Variants in SLC28A3 observed in about 807,000 individuals in gnomAD.
The protein encoded by SLC28A3 is solute carrier family 28 member 3, also known as concentrative Na(+)-nucleoside cotransporter 3.
In SLC28A3, 68 loss-of-function variants were observed where a neutral mutation model predicts 84.2. The observed-to-expected ratio is 0.81, with a 90% CI of 0.66 to 0.99. SLC28A3 has a LOEUF of 0.99. Among genes scored for constraint, SLC28A3 ranks in the 50% least tolerant of loss-of-function variants. SLC28A3 has a pLI of 0.00. For missense variants in SLC28A3, 712 were observed against 841.5 expected (o/e 0.85, Z 1.90); for synonymous variants, 267 against 303.6 (o/e 0.88, Z 1.25).
chr9:84,309,542 AAAAAAAG>A, intron 3 of SLC28A3, 80 bp downstream of exon 3: 10 of 829,346 alleles, frequency 1.2e-5, no homozygotes, highest in Admixed American at 1.1e-4. Flanking sequence ...AAAAAAAAAA[AAAAAAAG>A]AAATCAAATG....
the SLC28A3 span, among the ~76,000 whole-genome samples, chr9:84,349,854 T>C: frequency 6.6e-6 from 1 of 152,214 alleles, no homozygotes; most frequent in Non-Finnish European, 1.5e-5. Context: ...TCTGGAAGAT[T>C]TCCAGAGATG....
chr9:84,313,078 C>T (rs1472470091), intron 2 of SLC28A3, among the ~76,000 whole-genome samples: 1 of 152,204 alleles, frequency 6.6e-6, no homozygotes, highest in Non-Finnish European at 1.5e-5. Flanking sequence ...ATGCTTTTGT[C>T]TAAGCCAATG....
At chr9:84,313,314 G>T (rs760377947) in intron 2 of SLC28A3, 45 bp downstream of exon 2, 1 of 1,558,098 alleles carries the variant, frequency 6.4e-7, no homozygotes, top group South Asian at 1.1e-5. Context: ...CTGTTGCGCA[G>T]CGGCTGCCAT....
At chr9:84,303,598 G>A (rs898654846) in intron 4 of SLC28A3, among the ~76,000 whole-genome samples, 5 of 152,162 alleles carry the variant, frequency 3.3e-5, no homozygotes, top group African/African-American at 1.2e-4. Flanking sequence ...GGGATTATAG[G>A]CATTAGCCAC....
At chr9:84,336,653 G>A (rs751009136) in intron 1 of SLC28A3, among the ~76,000 whole-genome samples, 4 of 152,096 alleles carry the variant, frequency 2.6e-5, no homozygotes, top group Non-Finnish European at 5.9e-5. Flanking sequence ...TCCAGCATGG[G>A]TGACAGAGTG....
At chr9:84,316,990 G>C (rs905851830) in intron 1 of SLC28A3, among the ~76,000 whole-genome samples, 6 of 138,808 alleles carry the variant, frequency 4.3e-5, no homozygotes, top group African/African-American at 1.9e-4. Flanking sequence ...GACAGAGCAA[G>C]ACTCCGTCTC....
At chr9:84,279,936 T>A in intron 16 of SLC28A3, 39 bp downstream of exon 16, 1 of 1,598,844 alleles carries the variant, frequency 6.3e-7, no homozygotes, top group Non-Finnish European at 8.5e-7. Flanking sequence ...CTGCCATTCA[T>A]CCTGTGGGCA....
At chr9:84,299,785 T>C (rs1042180853) in intron 5 of SLC28A3, 60 bp from the exon 6 acceptor site, 2 of 1,518,998 alleles carry the variant, frequency 1.3e-6, no homozygotes, top group African/African-American at 1.4e-5. Context: ...AGAATCATAA[T>C]CAGGCTTAAT....
chr9:84,320,324 G>C (rs1826333750), intron 1 of SLC28A3, among the ~76,000 whole-genome samples: 1 of 151,772 alleles, frequency 6.6e-6, no homozygotes, highest in Non-Finnish European at 1.5e-5. Flanking sequence ...CAAAGTGCTG[G>C]GATTACAAGC....
At chr9:84,302,481 G>T in intron 4 of SLC28A3, 92 bp from the exon 5 acceptor site, 1 of 1,241,110 alleles carries the variant, frequency 8.1e-7, no homozygotes, top group Non-Finnish European at 1.1e-6. Flanking sequence ...GTGAGGGGAG[G>T]TTTAATATCA....
chr9:84,281,588 A>C (rs1824751229), intron 14 of SLC28A3, among the ~76,000 whole-genome samples: 1 of 152,234 alleles, frequency 6.6e-6, no homozygotes, highest in Admixed American at 6.5e-5. Context: ...TTTCTTCTTA[A>C]GTTTACTTGC....
At chr9:84,294,874 C>G (rs1218829778) in intron 8 of SLC28A3, among the ~76,000 whole-genome samples, 1 of 151,446 alleles carries the variant, frequency 6.6e-6, no homozygotes, top group African/African-American at 2.4e-5. Flanking sequence ...ATATCTGAAC[C>G]CTTGGCCCAT....
chr9:84,309,550 A>ATT, intron 3 of SLC28A3, 79 bp downstream of exon 3: 1 of 806,802 alleles, frequency 1.2e-6, no homozygotes, highest in Non-Finnish European at 1.9e-6. Context: ...AAAAAAAAAG[A>ATT]AATCAAATGG....
intron 9 of SLC28A3, among the ~76,000 whole-genome samples, 167 bp downstream of exon 9, chr9:84,294,028 A>G (rs1404748966): frequency 6.6e-6 from 1 of 152,238 alleles, no homozygotes; most frequent in Non-Finnish European, 1.5e-5. Context: ...CCCTCCATGG[A>G]CACATTTAGG....
rs1824574120 is a variant in SLC28A3 at position 84,277,730 on chromosome 9, G to A, written c.*488C>T. Reference sequence around the variant, plus strand: ...ACTTCCTGAGGGTAGTCAATGAGTTGGTGATTGATGACTAGTTTTCCCTTA... The same window carrying A: ...ACTTCCTGAGGGTAGTCAATGAGTTAGTGATTGATGACTAGTTTTCCCTTA... On this transcript the variant is annotated 3_prime_UTR_variant, in exon 18 of 18. Transcript: ENST00000376238. The A allele has an allele frequency of 2.0e-5, 3 of 153,622 alleles. No individual in the cohort carries two copies. Among genetic ancestry groups the A allele is most frequent in the African/African-American group, 7.2e-5 (3 of 41,452 alleles). 9.5% of individuals were successfully genotyped at this position (153,622 alleles called of 1,614,324 possible). A position where few individuals can be genotyped will look rare whatever the true frequency, so the allele number is the denominator to read the frequency against.
chr9:84,351,531 C>T, the SLC28A3 span, among the ~76,000 whole-genome samples: 2 of 151,804 alleles, frequency 1.3e-5, no homozygotes, highest in Admixed American at 6.6e-5. Flanking sequence ...TGGTGGCATG[C>T]GCCTATAGTA....
At chr9:84,333,879 A>C (rs759714784) in intron 1 of SLC28A3, among the ~76,000 whole-genome samples, 78 of 152,260 alleles carry the variant, frequency 5.1e-4, no homozygotes, top group Admixed American at 1.4e-3. Flanking sequence ...TAGAAGCTCC[A>C]AAAACCCCAA....
At chr9:84,321,245 C>T (rs1033214686) in intron 1 of SLC28A3, among the ~76,000 whole-genome samples, 2 of 152,036 alleles carry the variant, frequency 1.3e-5, no homozygotes, top group African/African-American at 2.4e-5. Flanking sequence ...CAAGATTATT[C>T]TTACTCTCAT....
At chr9:84,325,175 C>T (rs1826510787) in intron 1 of SLC28A3, among the ~76,000 whole-genome samples, 1 of 152,100 alleles carries the variant, frequency 6.6e-6, no homozygotes, top group Admixed American at 6.6e-5. Context: ...TTTTATCTCC[C>T]AGCTCATGCC....
Sources: gnomAD v4.1 joint callset for allele counts (sites outside exome capture counted in the v4.1 genomes callset) on GRCh38, gnomAD v4.1.1 for gene constraint, MANE v1.5 for transcripts, NCBI Gene and HGNC (gene_info 2026-07-23, HGNC 2026-07-21) for gene names.